CCDC3: variants seen among roughly 807,000 people sequenced by gnomAD.
CCDC3 encodes coiled-coil domain containing 3.
Under a neutral mutation model 21.4 loss-of-function variants are expected in CCDC3, and 24 were observed. That is an observed-to-expected ratio of 1.12 (90% CI 0.81 to 1.58). The LOEUF is 1.58. Among genes scored for constraint, CCDC3 ranks in the 40% most tolerant of loss-of-function variants. CCDC3 has a pLI of 0.00. For missense variants in CCDC3, 425 were observed against 360.9 expected (o/e 1.18, Z -1.44); for synonymous variants, 186 against 166.0 (o/e 1.12, Z -0.93).
intron 4 of CCDC3, among the ~76,000 whole-genome samples, chr10:13,052,834 C>T (rs1021254185): frequency 3.3e-5 from 5 of 151,828 alleles, no homozygotes; most frequent in Non-Finnish European, 7.4e-5. Flanking sequence ...CAGCTCATGA[C>T]CTGAGGCTGA....
chr10:13,035,835 T>G (rs1375731094), intron 5 of CCDC3, among the ~76,000 whole-genome samples: 1 of 152,042 alleles, frequency 6.6e-6, no homozygotes, highest in Non-Finnish European at 1.5e-5. Flanking sequence ...GGAGCTGAAG[T>G]GTCTAATACC....
At chr10:12,985,022 T>C (rs1835565432) in intron 2 of CCDC3, among the ~76,000 whole-genome samples, 1 of 152,200 alleles carries the variant, frequency 6.6e-6, no homozygotes, top group Non-Finnish European at 1.5e-5. Context: ...AACCACTTAA[T>C]TGTACAGTTA....
chr10:12,944,290 G>A (rs561597488), intron 2 of CCDC3, among the ~76,000 whole-genome samples: 17 of 152,052 alleles, frequency 1.1e-4, no homozygotes, highest in East Asian at 3.8e-4. Context: ...TCTCTCTGAC[G>A]CCTGCTACCT....
chr10:13,072,025 G>A (rs139157062), intron 4 of CCDC3, among the ~76,000 whole-genome samples: 1 of 152,096 alleles, frequency 6.6e-6, no homozygotes, highest in Non-Finnish European at 1.5e-5. Context: ...TCCAAATGCT[G>A]GCAAAAGGGT....
chr10:12,934,504 ATTTTCTGTCT>A (rs1395092216), intron 2 of CCDC3, among the ~76,000 whole-genome samples: 1 of 152,000 alleles, frequency 6.6e-6, no homozygotes, highest in Non-Finnish European at 1.5e-5. Flanking sequence ...TGTCTTACTG[ATTTTCTGTCT>A]ACTGGATCTG....
intron 2 of CCDC3, among the ~76,000 whole-genome samples, chr10:12,942,350 A>T (rs1270091523): frequency 6.6e-6 from 1 of 152,220 alleles, no homozygotes; most frequent in African/African-American, 2.4e-5. Flanking sequence ...AAAGAAATTT[A>T]GGCAGTTGGT....
At chr10:12,962,074 G>A (rs1835187695) in intron 2 of CCDC3, among the ~76,000 whole-genome samples, 1 of 152,168 alleles carries the variant, frequency 6.6e-6, no homozygotes, top group African/African-American at 2.4e-5. Flanking sequence ...AAAAGGCCAA[G>A]AAGAATGAAA....
intron 2 of CCDC3, among the ~76,000 whole-genome samples, chr10:12,902,008 G>C (rs925952255): frequency 1.3e-5 from 2 of 152,138 alleles, no homozygotes; most frequent in African/African-American, 4.8e-5. Context: ...TGTATGTAAT[G>C]TGTCCCCCTC....
At chr10:12,947,143 CTTTTT>C (rs66542050) in intron 2 of CCDC3, among the ~76,000 whole-genome samples, 2 of 145,566 alleles carry the variant, frequency 1.4e-5, no homozygotes, top group African/African-American at 5.0e-5. Context: ...CTTTTGCTCA[CTTTTT>C]TTTTTTTTTG....
chr10:13,079,612 G>A (rs564473723), intron 3 of CCDC3, among the ~76,000 whole-genome samples: 161 of 152,328 alleles, frequency 1.1e-3, no homozygotes, highest in African/African-American at 3.8e-3. Context: ...TGGCGGTGAA[G>A]TATTCCTTAG....
intron 3 of CCDC3, among the ~76,000 whole-genome samples, chr10:13,079,842 G>A (rs377207702): frequency 6.6e-6 from 1 of 152,176 alleles, no homozygotes; most frequent in African/African-American, 2.4e-5. Context: ...GCAGGGAAGA[G>A]CAGCAGAGAG....
intron 4 of CCDC3, among the ~76,000 whole-genome samples, chr10:13,052,145 A>G (rs188917619): frequency 1.3e-5 from 2 of 152,260 alleles, no homozygotes; most frequent in East Asian, 3.9e-4. Context: ...GAGGCTGAGA[A>G]GCAGGGATTG....
rs183268646 is a variant in CCDC3, at chr10:13,017,234, T to C, written c.-1-18722A>G. ...TGAAGTTCTAAGAATACCTGTTTTA[T>C]GGCCAGGCACGGTGGCTCACGTCTG... is the stretch of plus-strand genomic sequence containing the variant. On this transcript the variant is annotated intron_variant, in intron 5 of 6. Coordinates refer to the CCDC3 transcript ENST00000378839. Among the ~76,000 whole-genome samples the C allele has an allele frequency of 7.9e-4, 120 of 152,008 alleles. 1 individual carries two copies. The highest frequency in any genetic ancestry group is 2.6e-3 in the African/African-American group (107 of 41,502).
chr10:13,057,858 A>T, intron 4 of CCDC3: 1 of 407,042 alleles, frequency 2.5e-6, no homozygotes, highest in South Asian at 2.5e-5. Flanking sequence ...TCCAGCCCAG[A>T]TGACAGTGCG....
chr10:12,971,676 G>A (rs1835345903), intron 2 of CCDC3, among the ~76,000 whole-genome samples: 1 of 152,046 alleles, frequency 6.6e-6, no homozygotes, highest in Non-Finnish European at 1.5e-5. Context: ...CAGTGCCCAA[G>A]CCCCGAAGTT....
chr10:12,993,728 G>A (rs1051557122), intron 2 of CCDC3, among the ~76,000 whole-genome samples: 4 of 152,174 alleles, frequency 2.6e-5, no homozygotes, highest in African/African-American at 9.7e-5. Flanking sequence ...CCATGACACC[G>A]AACCAGAGAG....
chr10:13,053,503 G>A (rs1269763038), intron 4 of CCDC3, among the ~76,000 whole-genome samples: 2 of 151,912 alleles, frequency 1.3e-5, no homozygotes, highest in Non-Finnish European at 2.9e-5. Context: ...GCTGCAGTGA[G>A]CTAGATCACA....
intron 2 of CCDC3, among the ~76,000 whole-genome samples, chr10:12,971,013 T>C (rs1363912991): frequency 6.6e-6 from 1 of 152,222 alleles, no homozygotes; most frequent in African/African-American, 2.4e-5. Context: ...CTGGAATCTA[T>C]CTACTTACTG....
chr10:12,905,829 G>A (rs1458986312), intron 2 of CCDC3, among the ~76,000 whole-genome samples: 1 of 152,200 alleles, frequency 6.6e-6, no homozygotes, highest in Non-Finnish European at 1.5e-5. Flanking sequence ...ATAAGGGTCT[G>A]CAGGGGATTG....
Sources: allele counts gnomAD v4.1 joint callset (sites outside exome capture counted in the v4.1 genomes callset), GRCh38; gene constraint gnomAD v4.1.1; transcripts MANE v1.5; gene names NCBI Gene and HGNC (gene_info 2026-07-23, HGNC 2026-07-21).